The following RIMS2 variants were observed in gnomAD, a reference collection of about 807,000 sequenced individuals.
RIMS2 encodes regulating synaptic membrane exocytosis protein 2.
A neutral mutation model predicts 174.4 loss-of-function variants in RIMS2; 59 were observed. The observed-to-expected ratio is 0.34, with a 90% CI of 0.27 to 0.42. RIMS2 has a LOEUF of 0.42. Ranked by LOEUF, RIMS2 falls within the 10% of genes least tolerant of loss-of-function variation. The pLI, the probability that RIMS2 is intolerant of heterozygous loss-of-function variation, is 1.00. For missense variants in RIMS2, 1,620 were observed against 1,666.3 expected, an observed-to-expected ratio of 0.97 and a Z score of 0.48; for synonymous variants, 606 against 572.5, an observed-to-expected ratio of 1.06 and a Z score of -0.84.
chr8:103,607,219 T>C (rs1397073999), intron 1 of RIMS2, among the ~76,000 whole-genome samples: 1 of 152,214 alleles, frequency 6.6e-6, no homozygotes, highest in African/African-American at 2.4e-5. Context: ...TCTCTCAGCG[T>C]TTGCTTGTCT....
intron 1 of RIMS2, among the ~76,000 whole-genome samples, chr8:103,672,333 AATTAT>A (rs1463235569): frequency 1.3e-5 from 2 of 152,138 alleles, no homozygotes; most frequent in Non-Finnish European, 2.9e-5. Context: ...ATACATTATG[AATTAT>A]ATTAAGCCAT....
At chr8:104,072,169 T>C (rs1243656931) in intron 19 of RIMS2, among the ~76,000 whole-genome samples, 1 of 152,164 alleles carries the variant, frequency 6.6e-6, no homozygotes. Flanking sequence ...TCATCTGAGG[T>C]TCATCTTCCT....
chr8:103,864,621 A>C (rs185429475), intron 3 of RIMS2, among the ~76,000 whole-genome samples: 2 of 152,336 alleles, frequency 1.3e-5, no homozygotes, highest in East Asian at 3.9e-4. Flanking sequence ...AAAAAATAAA[A>C]TGGTTTTCAT....
intron 1 of RIMS2, among the ~76,000 whole-genome samples, chr8:103,507,466 C>T (rs569141122): frequency 5.9e-5 from 9 of 151,908 alleles, no homozygotes; most frequent in Non-Finnish European, 7.4e-5. Flanking sequence ...AAATATTAAT[C>T]GGGTGAATGA....
At chr8:103,730,339 G>T (rs2097575949) in intron 2 of RIMS2, among the ~76,000 whole-genome samples, 1 of 152,026 alleles carries the variant, frequency 6.6e-6, no homozygotes, top group African/African-American at 2.4e-5. Context: ...GTGCTCCAGT[G>T]TTGGGTGATT....
At chr8:103,971,384 C>T (rs2092854148) in intron 15 of RIMS2, among the ~76,000 whole-genome samples, 1 of 151,938 alleles carries the variant, frequency 6.6e-6, no homozygotes, top group African/African-American at 2.4e-5. Flanking sequence ...TGTAATCTTT[C>T]CTTGGGTTAC....
Position 103,768,291 on chromosome 8 carries a change from A to G in RIMS2, c.698+1754A>G, listed in dbSNP as rs1002562719. On this transcript the variant is annotated intron_variant, in intron 3 of 23. Transcript: ENST00000504942. ...TTCACCTGCTTCAAGATGAAGCTGG[A>G]CATCTCTTTCCCAGCCACTGGCTGC... 3.1e-5 allele frequency: 19 copies of G among 612,350 alleles called. 1 individual carries two copies. In the African/African-American group the frequency reaches 3.1e-4, roughly 10 times the overall value. The allele number at this position is 612,350 out of a possible 1,614,324, so 37.9% of individuals were successfully genotyped here.
At chr8:103,532,163 A>G (rs530608895) in intron 1 of RIMS2, among the ~76,000 whole-genome samples, 1 of 152,286 alleles carries the variant, frequency 6.6e-6, no homozygotes, top group East Asian at 1.9e-4. Context: ...CTGGCTCTTC[A>G]TTGTACACAA....
At chr8:103,778,555 C>T (rs538442433) in intron 3 of RIMS2, among the ~76,000 whole-genome samples, 4 of 152,090 alleles carry the variant, frequency 2.6e-5, no homozygotes, top group Non-Finnish European at 5.9e-5. Flanking sequence ...TAATGACCTC[C>T]AGTTCCATCC....
intron 19 of RIMS2, among the ~76,000 whole-genome samples, chr8:104,212,667 A>G (rs1165618014): frequency 2.0e-5 from 3 of 152,200 alleles, no homozygotes; most frequent in Admixed American, 2.0e-4. Context: ...TTTACTCAAG[A>G]GAACAGTATA....
At chr8:103,529,928 C>T (rs1413375454) in intron 1 of RIMS2, among the ~76,000 whole-genome samples, 1 of 152,048 alleles carries the variant, frequency 6.6e-6, no homozygotes, top group East Asian at 1.9e-4. Context: ...GAACTCATTG[C>T]TATGGAAGGC....
intron 3 of RIMS2, among the ~76,000 whole-genome samples, chr8:103,797,029 A>C (rs1263849308): frequency 3.9e-5 from 6 of 152,172 alleles, no homozygotes; most frequent in African/African-American, 1.4e-4. Context: ...GTGTTAGGGA[A>C]GGCATTGCTT....
chr8:104,180,879 A>G (rs921526558), intron 19 of RIMS2, among the ~76,000 whole-genome samples: 5 of 151,776 alleles, frequency 3.3e-5, no homozygotes, highest in African/African-American at 1.2e-4. Flanking sequence ...TTATGCCTGT[A>G]GCTTTCTAAT....
intron 1 of RIMS2, among the ~76,000 whole-genome samples, chr8:103,612,581 CT>C (rs147898433): frequency 0.065 from 9,935 of 152,128 alleles, 402 homozygotes; most frequent in South Asian, 0.087. Context: ...TGTTCCTTTT[CT>C]TTTTTTCCCC....
intron 19 of RIMS2, among the ~76,000 whole-genome samples, chr8:104,187,047 A>G (rs1291621652): frequency 6.6e-6 from 1 of 151,822 alleles, no homozygotes; most frequent in Non-Finnish European, 1.5e-5. Context: ...CTGAGAAATG[A>G]AACAAAGTCA....
chr8:103,889,082 T>A (rs2099225719), intron 4 of RIMS2, among the ~76,000 whole-genome samples: 1 of 151,658 alleles, frequency 6.6e-6, no homozygotes, highest in Non-Finnish European at 1.5e-5. Flanking sequence ...TTTTCATCAT[T>A]ATAGTAGCAT....
intron 6 of RIMS2, among the ~76,000 whole-genome samples, 173 bp from the exon 10 acceptor site, chr8:103,915,322 C>G (rs1450529673): frequency 2.0e-5 from 3 of 151,954 alleles, no homozygotes; most frequent in African/African-American, 7.2e-5. Context: ...AGACCTAGCT[C>G]TTAGGGCATG....
chr8:103,809,924 T>G (rs541695299), intron 3 of RIMS2, among the ~76,000 whole-genome samples: 13 of 152,168 alleles, frequency 8.5e-5, no homozygotes, highest in Non-Finnish European at 1.9e-4. Flanking sequence ...CTTGATGTAA[T>G]CCCTTTTGTA....
intron 1 of RIMS2, among the ~76,000 whole-genome samples, chr8:103,550,857 A>G (rs1847485830): frequency 6.6e-6 from 1 of 150,590 alleles, no homozygotes; most frequent in Non-Finnish European, 1.5e-5. Flanking sequence ...GAAAATCTAG[A>G]AGAAATGGAT....
Sources: allele counts gnomAD v4.1 joint callset (sites outside exome capture counted in the v4.1 genomes callset), GRCh38; gene constraint gnomAD v4.1.1; transcripts MANE v1.5; gene names NCBI Gene and HGNC (gene_info 2026-07-23, HGNC 2026-07-21).